TMEM267: variants seen among roughly 807,000 people sequenced by gnomAD.
TMEM267 encodes the protein transmembrane protein C5orf28.
TMEM267 carries 20 observed loss-of-function variants against 19.3 expected under a neutral mutation model. That is an observed-to-expected ratio of 1.04 (90% CI 0.73 to 1.51). The LOEUF (loss-of-function observed/expected upper bound fraction) is 1.51, where lower values mean the gene tolerates loss of function less well. TMEM267 is among the 40% of genes most tolerant of loss of function. TMEM267 has a pLI of 0.00. For missense variants in TMEM267, 242 were observed against 261.9 expected, an observed-to-expected ratio of 0.92 and a Z score of 0.52; for synonymous variants, 88 against 90.3, an observed-to-expected ratio of 0.97 and a Z score of 0.15.
intron 1 of TMEM267, among the ~76,000 whole-genome samples, chr5:43,455,996 T>G (rs78452044): frequency 1.4e-5 from 2 of 144,868 alleles, no homozygotes; most frequent in Non-Finnish European, 3.1e-5. Flanking sequence ...TCACCATGCC[T>G]TTTTTTTTTT....
At chr5:43,463,344 G>A (rs541193894) in intron 1 of TMEM267, among the ~76,000 whole-genome samples, 3 of 152,204 alleles carry the variant, frequency 2.0e-5, no homozygotes, top group Non-Finnish European at 2.9e-5. Flanking sequence ...ATTCACAGCC[G>A]AATTCTACCA....
At chr5:43,478,175 C>T (rs1465826613) in intron 1 of TMEM267, among the ~76,000 whole-genome samples, 2 of 152,100 alleles carry the variant, frequency 1.3e-5, no homozygotes, top group Non-Finnish European at 2.9e-5. Context: ...TTACTAAATA[C>T]CACTGAAGAA....
At chr5:43,452,026 C>T (rs1253151653) in intron 2 of TMEM267, among the ~76,000 whole-genome samples, 7 of 141,812 alleles carry the variant, frequency 4.9e-5, no homozygotes, top group South Asian at 2.2e-4. Flanking sequence ...TGCAGTGAGC[C>T]GTGATCACAC....
At chr5:43,448,666 A>T (rs1210670363) in intron 2 of TMEM267, among the ~76,000 whole-genome samples, 1 of 151,592 alleles carries the variant, frequency 6.6e-6, no homozygotes, top group Non-Finnish European at 1.5e-5. Flanking sequence ...ATCCCAGCTA[A>T]TTGGGAGGCT....
At chr5:43,453,624 T>A (rs1351155863) in intron 2 of TMEM267, 34 bp downstream of exon 2, 1 of 1,581,124 alleles carries the variant, frequency 6.3e-7, no homozygotes, top group Non-Finnish European at 8.6e-7. Flanking sequence ...CTAAGGAAAT[T>A]AAAGATCAGA....
intron 1 of TMEM267, among the ~76,000 whole-genome samples, chr5:43,477,275 C>G (rs1014840751): frequency 6.6e-6 from 1 of 151,846 alleles, no homozygotes; most frequent in Non-Finnish European, 1.5e-5. Flanking sequence ...AACTATCCCT[C>G]AAGAACTTCA....
At chr5:43,481,856 T>C (rs1744795411) in intron 1 of TMEM267, among the ~76,000 whole-genome samples, 1 of 152,158 alleles carries the variant, frequency 6.6e-6, no homozygotes, top group African/African-American at 2.4e-5. Flanking sequence ...GTTTGTGTTT[T>C]GTGTGAGATG....
At chr5:43,459,357 T>C (rs974987629) in intron 1 of TMEM267, among the ~76,000 whole-genome samples, 3 of 152,058 alleles carry the variant, frequency 2.0e-5, no homozygotes, top group Non-Finnish European at 2.9e-5. Flanking sequence ...CAAAAAGCAA[T>C]AGGGACCAAA....
intron 1 of TMEM267, among the ~76,000 whole-genome samples, chr5:43,465,605 C>T (rs980343830): frequency 2.1e-4 from 32 of 152,152 alleles, no homozygotes; most frequent in Non-Finnish European, 4.3e-4. Context: ...GGCACATATA[C>T]ACCATGGAAT....
chr5:43,459,439 G>A (rs1263619246), intron 1 of TMEM267, among the ~76,000 whole-genome samples: 1 of 151,886 alleles, frequency 6.6e-6, no homozygotes, highest in Non-Finnish European at 1.5e-5. Flanking sequence ...AATCAGATTG[G>A]GGCAAAAGAA....
chr5:43,466,442 C>T (rs956802216), intron 1 of TMEM267, among the ~76,000 whole-genome samples: 3 of 152,016 alleles, frequency 2.0e-5, no homozygotes, highest in African/African-American at 4.8e-5. Flanking sequence ...AAAAACTTTC[C>T]CAGACAAACA....
chr5:43,481,261 A>G (rs754386110), intron 1 of TMEM267, among the ~76,000 whole-genome samples: 1 of 151,346 alleles, frequency 6.6e-6, no homozygotes. Context: ...ACTTGGCTAG[A>G]TTTTTGTTTT....
intron 1 of TMEM267, among the ~76,000 whole-genome samples, chr5:43,473,929 G>T (rs1216660814): frequency 1.3e-5 from 2 of 152,094 alleles, no homozygotes; most frequent in African/African-American, 2.4e-5. Context: ...ATAGATCAAT[G>T]GAACAGAACA....
At chr5:43,467,142 CTGTCA>C (rs1743779805) in intron 1 of TMEM267, among the ~76,000 whole-genome samples, 2 of 105,290 alleles carry the variant, frequency 1.9e-5, no homozygotes, top group Admixed American at 1.2e-4. Flanking sequence ...GAGAGAGACT[CTGTCA>C]AAAAAAAAAA....
chr5:43,462,122 G>A (rs1170325592), intron 1 of TMEM267, among the ~76,000 whole-genome samples: 1 of 152,226 alleles, frequency 6.6e-6, no homozygotes, highest in Non-Finnish European at 1.5e-5. Flanking sequence ...AGTAAAGGAA[G>A]AGAACAAGAG....
At chr5:43,453,622 A>G (rs1579790410) in intron 2 of TMEM267, 36 bp downstream of exon 2, 1 of 1,576,624 alleles carries the variant, frequency 6.3e-7, no homozygotes, top group Non-Finnish European at 8.6e-7. Context: ...TGCTAAGGAA[A>G]TTAAAGATCA....
intron 1 of TMEM267, among the ~76,000 whole-genome samples, chr5:43,481,726 C>T (rs1451007604): frequency 6.6e-6 from 1 of 152,150 alleles, no homozygotes; most frequent in African/African-American, 2.4e-5. Flanking sequence ...GTCAACCCTT[C>T]AGATGTCCGC....
At chr5:43,483,724 TGGTCCCCCACCTCCGGTCTCCCACC>T (rs1354133890) in intron 1 of TMEM267, 73 bp downstream of exon 1, 1 of 152,330 alleles carries the variant, frequency 6.6e-6, no homozygotes, top group Non-Finnish European at 1.5e-5. Flanking sequence ...TCAGACTCAG[TGGTCCCCCACCTCCGGTCTCCCACC>T]TCAGGACGCA....
intron 1 of TMEM267, among the ~76,000 whole-genome samples, chr5:43,468,137 G>A (rs1239439039): frequency 6.6e-6 from 1 of 152,028 alleles, no homozygotes; most frequent in African/African-American, 2.4e-5. Flanking sequence ...GGGGGCGGGT[G>A]TCTAGTTAGA....
Sources: allele counts gnomAD v4.1 joint callset (sites outside exome capture counted in the v4.1 genomes callset), GRCh38; gene constraint gnomAD v4.1.1; transcripts MANE v1.5; gene names NCBI Gene and HGNC (gene_info 2026-07-23, HGNC 2026-07-21).